The following SLC35F3 variants were observed in gnomAD, a reference collection of about 807,000 sequenced individuals.
The protein encoded by SLC35F3 is putative thiamine transporter SLC35F3.
A neutral mutation model predicts 49.9 loss-of-function variants in SLC35F3; 25 were observed. That is an observed-to-expected ratio of 0.50 (90% CI 0.37 to 0.70). The LOEUF (loss-of-function observed/expected upper bound fraction) is 0.70. Ranked by LOEUF, SLC35F3 falls within the 30% of genes least tolerant of loss-of-function variation. The pLI, the probability that SLC35F3 is intolerant of heterozygous loss-of-function variation, is 0.00. For missense variants in SLC35F3, 525 were observed against 639.8 expected, an observed-to-expected ratio of 0.82 and a Z score of 1.94; for synonymous variants, 275 against 265.4, an observed-to-expected ratio of 1.04 and a Z score of -0.35.
intron 2 of SLC35F3, among the ~76,000 whole-genome samples, chr1:234,011,551 TC>T (rs1287805163): frequency 5.3e-5 from 8 of 152,084 alleles, no homozygotes; most frequent in Non-Finnish European, 1.5e-5. Flanking sequence ...CAAGGCATAC[TC>T]ACGCACACAC....
At chr1:234,321,701 A>C (rs1255477769) in intron 7 of SLC35F3, among the ~76,000 whole-genome samples, 1 of 152,212 alleles carries the variant, frequency 6.6e-6, no homozygotes, top group African/African-American at 2.4e-5. Context: ...TTTAATGATG[A>C]GTCCAGAAAA....
chr1:234,000,024 T>A (rs1489070574), intron 2 of SLC35F3, among the ~76,000 whole-genome samples: 3 of 152,096 alleles, frequency 2.0e-5, no homozygotes, highest in African/African-American at 7.2e-5. Flanking sequence ...GAAAAGCCCT[T>A]TAAAGGGCTA....
At position 233,905,621 on chromosome 1, in the gene SLC35F3, C is replaced by T. The variant is rs146928346; in HGVS notation, c.146C>T (p.Ala49Val). 1.2e-5 allele frequency: 19 copies of T among 1,613,998 alleles called. No individual in the cohort carries two copies. The African/African-American group carries it at 2.5e-4, about 22-fold the overall frequency. ...RQLKYLVVDEAIKEDLKWSRS... is the reference protein window; with the variant it reads ...RQLKYLVVDEVIKEDLKWSRS... The stretch of plus-strand genomic sequence containing the variant: ...CTCAAGTACTTGGTGGTGGACGAGG[C>T]GATTAAGGAGGATCTGAAATGGTCG... Residue 49 changes from alanine to valine, a missense_variant, in exon 2 of 8, where the codon GCG (alanine) becomes GTG (valine). Around this residue, in one of 4 missense-constraint regions of SLC35F3, gnomAD observed 228 missense variants for 218.9 expected, o/e 1.04. Coordinates refer to ENST00000366618, the MANE Select transcript of SLC35F3 (RefSeq NM_173508.4).
At chr1:234,109,304 C>T (rs1558232085) in intron 2 of SLC35F3, among the ~76,000 whole-genome samples, 1 of 152,128 alleles carries the variant, frequency 6.6e-6, no homozygotes, top group South Asian at 2.1e-4. Context: ...GCTAGGAACA[C>T]GGAGGCCATT....
intron 2 of SLC35F3, among the ~76,000 whole-genome samples, chr1:233,919,126 G>A (rs142251912): frequency 1.4e-4 from 22 of 152,242 alleles, no homozygotes; most frequent in African/African-American, 5.3e-4. Context: ...TCAGCCAATG[G>A]CCTTACGTAA....
intron 2 of SLC35F3, among the ~76,000 whole-genome samples, chr1:234,114,472 T>C (rs72758215): frequency 0.17 from 25,219 of 152,256 alleles, 2,641 homozygotes; most frequent in Middle Eastern, 0.28. Flanking sequence ...TCTATTTTAA[T>C]GGAGTACTAT....
At chr1:233,941,253 G>T (rs968773039) in intron 2 of SLC35F3, among the ~76,000 whole-genome samples, 1 of 152,126 alleles carries the variant, frequency 6.6e-6, no homozygotes, top group African/African-American at 2.4e-5. Context: ...AGCACATTAA[G>T]ACCCTTTTCT....
chr1:234,179,046 G>C (rs1376617508), intron 2 of SLC35F3, among the ~76,000 whole-genome samples: 7 of 152,166 alleles, frequency 4.6e-5, no homozygotes, highest in Non-Finnish European at 1.0e-4. Flanking sequence ...TGATGGCTCA[G>C]TGTGATACAG....
At chr1:233,943,363 C>T (rs1243412195) in intron 2 of SLC35F3, among the ~76,000 whole-genome samples, 1 of 152,188 alleles carries the variant, frequency 6.6e-6, no homozygotes, top group Non-Finnish European at 1.5e-5. Flanking sequence ...AAGTAAGATT[C>T]CACAATTTTG....
intron 2 of SLC35F3, among the ~76,000 whole-genome samples, chr1:233,954,871 TCTCA>T (rs1052017884): frequency 2.6e-4 from 40 of 152,016 alleles, no homozygotes; most frequent in African/African-American, 9.4e-4. Flanking sequence ...TGAGATGGAG[TCTCA>T]CTCTGTTGCC....
chr1:234,310,417 C>T (rs1657323736), intron 4 of SLC35F3, among the ~76,000 whole-genome samples: 1 of 152,138 alleles, frequency 6.6e-6, no homozygotes, highest in Admixed American at 6.5e-5. Context: ...CGTGAGTCAA[C>T]TTCTGAGTTA....
At chr1:234,075,349 C>A (rs1402211507) in intron 2 of SLC35F3, among the ~76,000 whole-genome samples, 1 of 152,154 alleles carries the variant, frequency 6.6e-6, no homozygotes, top group Non-Finnish European at 1.5e-5. Context: ...ATGGGGAGAG[C>A]CAACGGAAGT....
At chr1:234,270,735 A>G (rs1668084802) in intron 3 of SLC35F3, among the ~76,000 whole-genome samples, 1 of 152,206 alleles carries the variant, frequency 6.6e-6, no homozygotes. Flanking sequence ...ACAAAAAGGC[A>G]ACTGATTGTT....
intron 2 of SLC35F3, among the ~76,000 whole-genome samples, chr1:234,078,270 C>T (rs1664826461): frequency 1.3e-5 from 2 of 152,066 alleles, no homozygotes; most frequent in Admixed American, 1.3e-4. Flanking sequence ...CTTCTTCCTC[C>T]TCCTCCTCCT....
intron 5 of SLC35F3, among the ~76,000 whole-genome samples, chr1:234,318,042 C>A (rs1657531031): frequency 1.3e-5 from 2 of 152,122 alleles, no homozygotes; most frequent in African/African-American, 4.8e-5. Context: ...ATGGCTGAAC[C>A]AAGGAGAAAG....
chr1:233,994,993 A>G (rs1457747962), intron 2 of SLC35F3, among the ~76,000 whole-genome samples: 1 of 152,254 alleles, frequency 6.6e-6, no homozygotes, highest in Non-Finnish European at 1.5e-5. Flanking sequence ...GTTAATCTTC[A>G]TAAACCTCAG....
intron 2 of SLC35F3, among the ~76,000 whole-genome samples, chr1:233,915,441 G>C (rs879289700): frequency 3.3e-5 from 5 of 152,220 alleles, no homozygotes; most frequent in Non-Finnish European, 7.3e-5. Context: ...AGCTACTCTG[G>C]AGGCTGAGGT....
At chr1:234,216,003 T>C (rs1282150910) in intron 2 of SLC35F3, among the ~76,000 whole-genome samples, 1 of 152,232 alleles carries the variant, frequency 6.6e-6, no homozygotes, top group African/African-American at 2.4e-5. Flanking sequence ...TGGGTTTTTT[T>C]CCTTCTTGTG....
At chr1:234,306,914 T>C (rs1657211082) in intron 3 of SLC35F3, among the ~76,000 whole-genome samples, 1 of 152,220 alleles carries the variant, frequency 6.6e-6, no homozygotes, top group Non-Finnish European at 1.5e-5. Flanking sequence ...TTGGAAATTC[T>C]GCTTGCATGA....
Sources: gnomAD v4.1 joint callset for allele counts (sites outside exome capture counted in the v4.1 genomes callset) on GRCh38, gnomAD v4.1.1 for gene constraint, gnomAD v4.1.1 regional missense constraint, MANE v1.5 for transcripts, NCBI Gene and HGNC (gene_info 2026-07-23, HGNC 2026-07-21) for gene names.